HNRNPU: variants seen among roughly 807,000 people sequenced by gnomAD.
The protein encoded by HNRNPU is HNRNPU antisense RNA 1.
HNRNPU carries 5 observed loss-of-function variants against 94.7 expected under a neutral mutation model. That is an observed-to-expected ratio of 0.05 (90% CI 0.03 to 0.11). The LOEUF (loss-of-function observed/expected upper bound fraction) is 0.11, where lower values mean the gene tolerates loss of function less well. Among genes scored for constraint, HNRNPU ranks in the 10% least tolerant of loss-of-function variants. The pLI, the probability that HNRNPU is intolerant of heterozygous loss-of-function variation, is 1.00. For synonymous variants in HNRNPU, 434 were observed against 381.6 expected (o/e 1.14, Z -1.60); for missense variants, 710 against 1,049.2 (o/e 0.68, Z 4.47).
rs1179691852 is a variant in HNRNPU, at chr1:244,852,560, C to T, written c.*1890G>A. On this transcript the variant is annotated 3_prime_UTR_variant, in exon 14 of 14. Transcript: ENST00000640218. Reference sequence around the variant, plus strand: ...GTATACTGAAGAGTAGTAGCTCAGGCCAGTGGTTCTTAGCATTACTTGCTA... The same window carrying T: ...GTATACTGAAGAGTAGTAGCTCAGGTCAGTGGTTCTTAGCATTACTTGCTA... The T allele has an allele frequency of 6.6e-6, 1 of 152,138 alleles. No individual in the cohort carries two copies. The highest frequency in any genetic ancestry group is 2.4e-5 in the African/African-American group (1 of 41,434). 9.4% of individuals were successfully genotyped at this position (152,138 alleles called of 1,614,324 possible). A position where few individuals can be genotyped will look rare whatever the true frequency, so the allele number is the denominator to read the frequency against.
chr1:244,857,415 TTTTAA>T (rs1680709095), intron 8 of HNRNPU, 178 bp downstream of exon 8: 2 of 576,506 alleles, frequency 3.5e-6, no homozygotes, highest in Non-Finnish European at 3.0e-6. Context: ...CCCAGCTAAT[TTTTAA>T]ATTTTTAGTA....
chr1:244,862,952 A>G, intron 1 of HNRNPU: 1 of 576,640 alleles, frequency 1.7e-6, no homozygotes, highest in Non-Finnish European at 3.1e-6. Context: ...CGATGATTCG[A>G]GAAAGCCAAA....
In HNRNPU at chr1:244,856,277, CAT is replaced by C. The variant is rs1156991330; in HGVS notation, c.1913-121_1913-120del. On this transcript the variant is annotated intron_variant, in intron 10 of 13. Coordinates refer to ENST00000640218, the MANE Select transcript of HNRNPU (RefSeq NM_031844.3). ...TTCCTAAAAATAAAAACAGACCAAA[CAT>C]ATATGCATATGTAACAACTGCAATT... The C allele has an allele frequency of 9.3e-5, 109 of 1,171,532 alleles. 1 individual carries two copies. In the Admixed American group the frequency reaches 2.5e-3, roughly 26 times the overall value. The allele number at this position is 1,171,532 out of a possible 1,614,324, so 72.6% of individuals were successfully genotyped here. A position where few individuals can be genotyped will look rare whatever the true frequency, so the allele number is the denominator to read the frequency against.
At chr1:244,858,980 T>G (rs774868293) in intron 5 of HNRNPU, 139 bp from the exon 6 acceptor site, 2 of 601,344 alleles carry the variant, frequency 3.3e-6, no homozygotes, top group Non-Finnish European at 5.8e-6. Context: ...TACTTTTCTA[T>G]CTCTGTACCA....
rs758179078 is a variant in HNRNPU, at chr1:244,862,768, A to T, written c.692-38T>A. 2.2e-5 allele frequency: 33 copies of T among 1,490,888 alleles called. No individual in the cohort carries two copies. In the Middle Eastern group the frequency reaches 8.6e-4, roughly 39 times the overall value. The allele number at this position is 1,490,888 out of a possible 1,614,324, so 92.4% of individuals were successfully genotyped here. ...CGAGCCCCATAAAGGCCAAGCCTCT[A>T]AACAACAAAAAAACGCTTTTCCGTT... On this transcript the variant is annotated intron_variant, in intron 1 of 13. Coordinates refer to ENST00000640218, the MANE Select transcript of HNRNPU (RefSeq NM_031844.3).
At chr1:244,857,553 A>T in intron 8 of HNRNPU, 45 bp downstream of exon 8, 13 of 1,587,370 alleles carry the variant, frequency 8.2e-6, no homozygotes, top group Non-Finnish European at 1.1e-5. Flanking sequence ...AGCCTCTCCC[A>T]GTCTATTTTA....
In HNRNPU at chr1:244,858,812, G is replaced by T. The variant is rs779598258; in HGVS notation, c.1147C>A (p.Leu383Ile). ...CAGTTGCATGTTTTTATTCCTTTTA[G>T]AGAATACCCATAAGAAAATTCTTCT... ...GEEEFSYGYS[L>I]KGIKTCNCET... Residue 383 changes from leucine to isoleucine, a missense_variant, in exon 6 of 14, where the codon CTA (leucine) becomes ATA (isoleucine). Coordinates refer to ENST00000640218, the MANE Select transcript of HNRNPU (RefSeq NM_031844.3). 1.3e-6 allele frequency: 2 copies of T among 1,561,384 alleles called. No homozygotes were observed. Among genetic ancestry groups the T allele is most frequent in the South Asian group, 2.3e-5 (2 of 88,786 alleles).
intron 12 of HNRNPU, 89 bp from the exon 13 acceptor site, chr1:244,855,133 T>G: frequency 9.8e-7 from 1 of 1,016,028 alleles, no homozygotes; most frequent in Non-Finnish European, 1.6e-6. Context: ...AATGGACAGG[T>G]TGCTAGCCCC....
Position 244,862,433 on chromosome 1 carries a change from A to G in HNRNPU, c.877+28T>C, listed in dbSNP as rs202223658. 8.1e-5 allele frequency: 115 copies of G among 1,416,672 alleles called. No individual in the cohort carries two copies. In the Middle Eastern group the frequency reaches 2.7e-3, roughly 34 times the overall value. 87.8% of individuals were successfully genotyped at this position (1,416,672 alleles called of 1,614,324 possible). ...AAAAAAACCACCATCACCGCATTTC[A>G]TAATTGGGGAGAAACAGCTTCACTT... On this transcript the variant is annotated intron_variant, in intron 3 of 13. Transcript: ENST00000640218.
rs1033784849 is a variant in HNRNPU, at chr1:244,864,513, C to A, written c.-206G>T. On this transcript the variant is annotated 5_prime_UTR_variant, in exon 1 of 14. Coordinates refer to ENST00000640218, the MANE Select transcript of HNRNPU (RefSeq NM_031844.3). ...AGTTCGCGAGGGAGACGCGGAGACT[C>A]GCCTGGCGCGAGCGAGCACGCAACG... 135 of 816,500 alleles carry A rather than the reference C, an allele frequency of 1.7e-4. No homozygotes were observed. Among genetic ancestry groups the A allele is most frequent in the Non-Finnish European group, 2.3e-4 (126 of 555,066 alleles). The allele number at this position is 816,500 out of a possible 1,614,324, so 50.6% of individuals were successfully genotyped here.
chr1:244,859,428 T>A, intron 4 of HNRNPU, 54 bp from the exon 5 acceptor site: 1 of 872,294 alleles, frequency 1.1e-6, no homozygotes. Context: ...GGTAACCCCT[T>A]AACTCTCGCA....
At chr1:244,858,877 T>C in intron 5 of HNRNPU, 36 bp from the exon 6 acceptor site, 1 of 1,003,654 alleles carries the variant, frequency 1.0e-6, no homozygotes, top group East Asian at 2.4e-5. Context: ...AGTAGATGTT[T>C]AAAATAGTCC....
At chr1:244,854,873 T>A in intron 13 of HNRNPU, 100 bp downstream of exon 13, 2 of 1,018,138 alleles carry the variant, frequency 2.0e-6, no homozygotes, top group African/African-American at 1.6e-5. Context: ...TTAACACTTA[T>A]AAACACTTCA....
rs778059492 is a variant in HNRNPU, at chr1:244,855,445, G to A, written c.2331C>T (p.Pro777=). The A allele has an allele frequency of 2.5e-6, 4 of 1,613,494 alleles. No homozygotes were observed. The highest frequency in any genetic ancestry group is 3.4e-6 in the Non-Finnish European group (4 of 1,179,814). Residue 777 remains proline, a synonymous_variant, in exon 12 of 14, where the codon CCC becomes CCT. Transcript: ENST00000640218. ...NRGNYNRGGM[P]NRGNYNQNFR... Reference sequence around the variant, plus strand: ...TTACCTGGTTGTAGTTCCCTCTGTTGGGCATTCCACCTCTGTTGTAGTTCC... The same window carrying A: ...TTACCTGGTTGTAGTTCCCTCTGTTAGGCATTCCACCTCTGTTGTAGTTCC...
chr1:244,862,916 G>A (rs930085547), intron 1 of HNRNPU, 186 bp from the exon 2 acceptor site: 23 of 614,834 alleles, frequency 3.7e-5, no homozygotes, highest in East Asian at 1.4e-4. Flanking sequence ...GCAGTCTAAA[G>A]ACATTACTAA....
At position 244,856,630 on chromosome 1, in the gene HNRNPU, A is replaced by G; in HGVS notation, c.1744-5T>C. On this transcript the variant is annotated splice_polypyrimidine_tract_variant and splice_region_variant and intron_variant, in intron 9 of 13. Transcript: ENST00000640218. ...GGCAGCAGCAGACACATTTGTCTTT[A>G]AAAAAAGAAATTTATGTTTACAACC... 1 of 1,611,798 alleles carries G rather than the reference A, an allele frequency of 6.2e-7. No individual in the cohort carries two copies. The highest frequency in any genetic ancestry group is 2.2e-5 in the East Asian group (1 of 44,862).
intron 8 of HNRNPU, chr1:244,857,182 A>G: frequency 4.1e-6 from 1 of 244,328 alleles, no homozygotes; most frequent in Non-Finnish European, 7.7e-6. Flanking sequence ...AGATACTAAC[A>G]AAATGGATAG....
intron 8 of HNRNPU, 72 bp from the exon 9 acceptor site, chr1:244,856,928 CATATCT>C: frequency 8.0e-7 from 1 of 1,245,016 alleles, no homozygotes; most frequent in Non-Finnish European, 1.1e-6. Context: ...AAATTCAACT[CATATCT>C]ATATGTAAAG....
intron 12 of HNRNPU, 64 bp downstream of exon 12, chr1:244,855,360 G>A: frequency 6.7e-7 from 1 of 1,489,788 alleles, no homozygotes. Context: ...CCAACATAAA[G>A]CTCACACCTT....
Sources: allele counts gnomAD v4.1 joint callset, GRCh38; gene constraint gnomAD v4.1.1; transcripts MANE v1.5; gene names NCBI Gene and HGNC (gene_info 2026-07-23, HGNC 2026-07-21).